The following IL1RAPL1 variants were observed in gnomAD, a reference collection of about 807,000 sequenced individuals.
IL1RAPL1 encodes interleukin-1 receptor accessory protein-like 1.
IL1RAPL1 carries 3 observed loss-of-function variants against 48.4 expected under a neutral mutation model. The observed-to-expected ratio is 0.06, with a 90% confidence interval of 0.03 to 0.16. The LOEUF (loss-of-function observed/expected upper bound fraction) is 0.16, where lower values mean the gene tolerates loss of function less well. Ranked by LOEUF, IL1RAPL1 falls within the 10% of genes least tolerant of loss-of-function variation. The pLI is 1.00. For missense variants in IL1RAPL1, 349 were observed against 530.6 expected (o/e 0.66, Z 3.36); for synonymous variants, 185 against 187.7 (o/e 0.99, Z 0.12).
At chrX:29,280,435 A>G (rs976367857) in intron 2 of IL1RAPL1, among the ~76,000 whole-genome samples, 2 of 112,167 alleles carry the variant, frequency 1.8e-5, no homozygotes, top group Non-Finnish European at 3.8e-5. Context: ...TGTGAAATTG[A>G]CACCTTTATT....
At chrX:28,972,349 T>A (rs1339287897) in intron 2 of IL1RAPL1, among the ~76,000 whole-genome samples, 1 of 112,289 alleles carries the variant, frequency 8.9e-6, no homozygotes, top group Non-Finnish European at 1.9e-5. Flanking sequence ...GGTATTGTTA[T>A]GTCTTGCTTT....
At chrX:29,011,784 C>A (rs1427100765) in intron 2 of IL1RAPL1, among the ~76,000 whole-genome samples, 2 of 112,422 alleles carry the variant, frequency 1.8e-5, no homozygotes, top group African/African-American at 6.5e-5. Context: ...ATTTGTATGT[C>A]AATTATAAGT....
At chrX:28,830,908 C>T (rs982736847) in intron 2 of IL1RAPL1, among the ~76,000 whole-genome samples, 1 of 107,733 alleles carries the variant, frequency 9.3e-6, no homozygotes, top group African/African-American at 3.4e-5. Flanking sequence ...GAAATATCTT[C>T]TTGGCTAATT....
At chrX:29,016,777 C>G (rs1926251571) in intron 2 of IL1RAPL1, among the ~76,000 whole-genome samples, 1 of 110,696 alleles carries the variant, frequency 9.0e-6, no homozygotes, top group African/African-American at 3.3e-5. Context: ...GATATTTAAA[C>G]TTTTTTAATA....
At chrX:29,707,747 G>T (rs781325293) in intron 6 of IL1RAPL1, among the ~76,000 whole-genome samples, 12 of 110,802 alleles carry the variant, frequency 1.1e-4, no homozygotes, top group African/African-American at 3.3e-4. Flanking sequence ...AGGACGCAAA[G>T]GCATAAGAAT....
chrX:29,803,973 A>T (rs1426918867), intron 6 of IL1RAPL1, among the ~76,000 whole-genome samples: 1 of 111,364 alleles, frequency 9.0e-6, no homozygotes, highest in Non-Finnish European at 1.9e-5. Context: ...ATGCTTGATT[A>T]TAGTTTTAAG....
At chrX:28,719,447 G>T (rs1432334226) in intron 1 of IL1RAPL1, among the ~76,000 whole-genome samples, 1 of 110,931 alleles carries the variant, frequency 9.0e-6, no homozygotes, top group East Asian at 2.8e-4. Context: ...CAAGTGTAGT[G>T]TCTAGTTGGA....
chrX:28,909,176 C>G (rs1451949456), intron 2 of IL1RAPL1, among the ~76,000 whole-genome samples: 2 of 111,604 alleles, frequency 1.8e-5, no homozygotes, highest in African/African-American at 3.2e-5. Flanking sequence ...TTTGACCATT[C>G]ACATTTCAAG....
At chrX:29,500,921 C>G (rs899410770) in intron 5 of IL1RAPL1, among the ~76,000 whole-genome samples, 2 of 111,624 alleles carry the variant, frequency 1.8e-5, no homozygotes, top group Admixed American at 1.9e-4. Context: ...GCTATGCTAA[C>G]TTACATTCCC....
intron 2 of IL1RAPL1, among the ~76,000 whole-genome samples, chrX:28,965,436 A>G (rs1277414828): frequency 9.0e-6 from 1 of 111,553 alleles, no homozygotes; most frequent in Non-Finnish European, 1.9e-5. Context: ...TGCTTTTTGC[A>G]TAAAATAGTT....
chrX:29,558,761 A>G (rs1331884677), intron 5 of IL1RAPL1, among the ~76,000 whole-genome samples: 1 of 111,499 alleles, frequency 9.0e-6, no homozygotes, highest in East Asian at 2.8e-4. Flanking sequence ...TGGATATACA[A>G]TTTTCCCAGC....
intron 1 of IL1RAPL1, among the ~76,000 whole-genome samples, chrX:28,698,372 A>T (rs1308560852): frequency 9.0e-6 from 1 of 111,581 alleles, no homozygotes; most frequent in Non-Finnish European, 1.9e-5. Flanking sequence ...ACCCCTGAAG[A>T]GATATTCAGG....
At chrX:29,837,053 A>G (rs1375610231) in intron 6 of IL1RAPL1, among the ~76,000 whole-genome samples, 1 of 107,947 alleles carries the variant, frequency 9.3e-6, no homozygotes, top group African/African-American at 3.4e-5. Context: ...AGGTCAGGAG[A>G]TGGAGACCAT....
chrX:29,211,435 G>A (rs1930767855), intron 2 of IL1RAPL1, among the ~76,000 whole-genome samples: 1 of 111,614 alleles, frequency 9.0e-6, no homozygotes, highest in Non-Finnish European at 1.9e-5. Context: ...ATTGAAATTG[G>A]GGCAGGCTTT....
intron 2 of IL1RAPL1, among the ~76,000 whole-genome samples, chrX:29,063,712 G>A (rs188013920): frequency 7.5e-4 from 84 of 111,296 alleles, no homozygotes; most frequent in Non-Finnish European, 1.0e-3. Context: ...CAAAACACGC[G>A]TAGTCCAGAA....
chrX:29,165,047 G>A (rs1052378838), intron 2 of IL1RAPL1, among the ~76,000 whole-genome samples: 8 of 112,021 alleles, frequency 7.1e-5, no homozygotes, highest in East Asian at 2.8e-4. Flanking sequence ...GGCCGAGTGC[G>A]GTGGCTCACG....
At chrX:29,106,994 T>C (rs891262871) in intron 2 of IL1RAPL1, among the ~76,000 whole-genome samples, 4 of 111,916 alleles carry the variant, frequency 3.6e-5, no homozygotes, top group African/African-American at 1.3e-4. Flanking sequence ...TGTTCAAACA[T>C]GTATAAAGAT....
chrX:28,958,256 C>T (rs1924669749), intron 2 of IL1RAPL1, among the ~76,000 whole-genome samples: 1 of 111,456 alleles, frequency 9.0e-6, no homozygotes, highest in Non-Finnish European at 1.9e-5. Context: ...ATCCTTTAAG[C>T]AACATATCTT....
At chrX:29,236,545 C>CTTTTTTTTTTTTTTTTTTTTTTTT (rs754996544) in intron 2 of IL1RAPL1, among the ~76,000 whole-genome samples, 8 of 63,192 alleles carry the variant, frequency 1.3e-4, no homozygotes, top group Admixed American at 2.0e-4. Context: ...CTTTTTTTTT[C>CTTTTTTTTTTTTTTTTTTTTTTTT]TTTTTTTTTT....
Sources: gnomAD v4.1 joint callset for allele counts (sites outside exome capture counted in the v4.1 genomes callset) on GRCh38, gnomAD v4.1.1 for gene constraint, MANE v1.5 for transcripts, NCBI Gene and HGNC (gene_info 2026-07-23, HGNC 2026-07-21) for gene names.